The following DLG2 variants were observed in gnomAD, a reference collection of about 807,000 sequenced individuals.
DLG2 encodes the protein disks large homolog 2.
Under a neutral mutation model 132.5 loss-of-function variants are expected in DLG2, and 45 were observed. The ratio of observed to expected loss-of-function variants is 0.34; its 90% CI spans 0.27 to 0.44. The LOEUF (loss-of-function observed/expected upper bound fraction) is 0.44. DLG2 is among the 20% of genes least tolerant of loss of function. The pLI is 1.00. For synonymous variants in DLG2, 424 were observed against 419.6 expected, an observed-to-expected ratio of 1.01 and a Z score of -0.13; for missense variants, 1,045 against 1,196.9, an observed-to-expected ratio of 0.87 and a Z score of 1.87.
intron 6 of DLG2, among the ~76,000 whole-genome samples, chr11:84,888,045 C>G (rs1220198368): frequency 6.6e-6 from 1 of 152,126 alleles, no homozygotes; most frequent in African/African-American, 2.4e-5. Context: ...GTGGCCCTCT[C>G]ATTGATTCAT....
chr11:84,423,545 C>T (rs1012110905), intron 7 of DLG2, among the ~76,000 whole-genome samples: 10 of 152,124 alleles, frequency 6.6e-5, no homozygotes, highest in Non-Finnish European at 1.3e-4. Flanking sequence ...TCATATTCAT[C>T]ACACTATGTT....
At chr11:85,260,375 G>C (rs560478083) in intron 4 of DLG2, among the ~76,000 whole-genome samples, 1 of 152,244 alleles carries the variant, frequency 6.6e-6, no homozygotes, top group South Asian at 2.1e-4. Flanking sequence ...TTGTTAAACA[G>C]TTATTCCTTC....
Position 84,128,840 on chromosome 11 carries a change from G to T in DLG2, c.625-29793C>A, listed in dbSNP as rs745370847. Among the ~76,000 whole-genome samples, 8 of 152,064 alleles carry T rather than the reference G, an allele frequency of 5.3e-5. No individual in the cohort carries two copies. In the East Asian group the frequency reaches 1.3e-3, roughly 26 times the overall value. On this transcript the variant is annotated intron_variant, in intron 9 of 27. Transcript: ENST00000376104. ...CAGTAGCCATTTAAGTTGAAAAAAC[G>T]TGTATGGTTTTAAAAGTACTTCCTC...
rs533089091 is a variant in DLG2 at position 83,896,449 on chromosome 11, G to A, written c.1497-21961C>T. ...ATCTGCCCACATAAAGATGCTCACT[G>A]TTATTACAGTCAAATGTCATATTTA... On this transcript the variant is annotated intron_variant, in intron 15 of 27. Transcript: ENST00000376104. 4.2e-3 allele frequency among the ~76,000 whole-genome samples: 639 copies of A among 152,290 alleles called. 4 individuals are homozygous for A. The highest frequency in any genetic ancestry group is 0.015 in the African/African-American group (611 of 41,558).
Position 83,663,567 on chromosome 11 carries a change from T to G in DLG2, c.1826-30242A>C, listed in dbSNP as rs143639406. 5.5e-4 allele frequency among the ~76,000 whole-genome samples: 84 copies of G among 152,336 alleles called. 1 individual carries two copies. The East Asian group carries it at 0.014, about 25-fold the overall frequency. On this transcript the variant is annotated intron_variant, in intron 18 of 27. Coordinates refer to ENST00000376104, the MANE Select transcript of DLG2 (RefSeq NM_001142699.3). Reference sequence around the variant, plus strand: ...GCAGATACAATGTGTGTGTGGCACATAGTAGAAGCTTGCCAAGTATTAACT... The same window carrying G: ...GCAGATACAATGTGTGTGTGGCACAGAGTAGAAGCTTGCCAAGTATTAACT...
intron 18 of DLG2, among the ~76,000 whole-genome samples, chr11:83,739,083 A>C (rs1329709959): frequency 1.3e-5 from 2 of 152,064 alleles, no homozygotes; most frequent in African/African-American, 4.8e-5. Context: ...GATTGTAGGC[A>C]TCTTGAGGAA....
At position 84,735,178 on chromosome 11, in the gene DLG2, T is replaced by G. The variant is rs1053950448; in HGVS notation, c.358-200447A>C. The stretch of plus-strand genomic sequence containing the variant: ...AAAATGAGTTAGGGAAGATTCCTTC[T>G]TTTTCTATTGATTGGAATAGTTTCA... On this transcript the variant is annotated intron_variant, in intron 6 of 27. Coordinates refer to ENST00000376104, the MANE Select transcript of DLG2 (RefSeq NM_001142699.3). Among the ~76,000 whole-genome samples, 3 of 152,168 alleles carry G rather than the reference T, an allele frequency of 2.0e-5. No homozygotes were observed. In the South Asian group the frequency reaches 6.2e-4, roughly 32 times the overall value.
At chr11:84,741,963 A>G (rs1274815618) in intron 6 of DLG2, among the ~76,000 whole-genome samples, 1 of 152,122 alleles carries the variant, frequency 6.6e-6, no homozygotes, top group Non-Finnish European at 1.5e-5. Context: ...CTCAACAAAG[A>G]GATAGATACC....
intron 3 of DLG2, among the ~76,000 whole-genome samples, chr11:85,494,542 T>C (rs772397764): frequency 6.6e-6 from 1 of 151,846 alleles, no homozygotes; most frequent in South Asian, 2.1e-4. Flanking sequence ...GTGGCTTTTT[T>C]TTAATCTTAA....
At chr11:84,410,663 T>A (rs946240209) in intron 7 of DLG2, among the ~76,000 whole-genome samples, 19 of 142,562 alleles carry the variant, frequency 1.3e-4, no homozygotes, top group African/African-American at 4.7e-4. Flanking sequence ...CACTGCAACC[T>A]CTGCCTCCTA....
At chr11:83,796,749 A>G (rs1163131602) in intron 17 of DLG2, among the ~76,000 whole-genome samples, 1 of 152,184 alleles carries the variant, frequency 6.6e-6, no homozygotes, top group Non-Finnish European at 1.5e-5. Context: ...GTATTGAAAT[A>G]TATTTGTTTT....
At chr11:84,233,172 C>T (rs2097115752) in intron 8 of DLG2, among the ~76,000 whole-genome samples, 1 of 152,122 alleles carries the variant, frequency 6.6e-6, no homozygotes, top group Non-Finnish European at 1.5e-5. Context: ...TCCTCCCTAG[C>T]CACAACCCCT....
At chr11:83,745,724 C>T (rs2092859403) in intron 18 of DLG2, among the ~76,000 whole-genome samples, 1 of 152,034 alleles carries the variant, frequency 6.6e-6, no homozygotes, top group East Asian at 1.9e-4. Context: ...ACTGCTTGAA[C>T]CCAGGAGGCA....
At chr11:85,156,830 G>C (rs999524416) in intron 4 of DLG2, among the ~76,000 whole-genome samples, 3 of 152,282 alleles carry the variant, frequency 2.0e-5, no homozygotes, top group Middle Eastern at 3.4e-3. Context: ...ATTTCTCTTA[G>C]CCAGATCAGA....
chr11:84,677,712 T>A (rs2099717139), intron 6 of DLG2, among the ~76,000 whole-genome samples: 1 of 151,838 alleles, frequency 6.6e-6, no homozygotes, highest in South Asian at 2.1e-4. Context: ...AGCTGACCTC[T>A]GCAAAAAAAG....
Position 83,930,350 on chromosome 11 carries a change from G to A in DLG2, c.1474C>T (p.Leu492=). The A allele has an allele frequency of 6.2e-7, 1 of 1,613,944 alleles. No homozygotes were observed. The highest frequency in any genetic ancestry group is 8.5e-7 in the Non-Finnish European group (1 of 1,179,898). The change falls in exon 15 of 28, where the codon CTA becomes TTA. Residue 492 remains leucine, a synonymous_variant. Transcript: ENST00000376104. ...APYSHYHLGL[L]PDSEMTSHSQ... Reference sequence around the variant, plus strand: ...TACCTGGTCATCTCAGAGTCAGGTAGCAGGCCTAGGTGGTAGTGGGAATAG... The same window carrying A: ...TACCTGGTCATCTCAGAGTCAGGTAACAGGCCTAGGTGGTAGTGGGAATAG...
chr11:85,230,764 C>T (rs2075256036), intron 4 of DLG2, among the ~76,000 whole-genome samples: 1 of 151,764 alleles, frequency 6.6e-6, no homozygotes, highest in Non-Finnish European at 1.5e-5. Flanking sequence ...CAACTTAATC[C>T]CCAATGCAAT....
intron 7 of DLG2, among the ~76,000 whole-genome samples, chr11:84,295,092 C>T (rs1026970651): frequency 3.3e-5 from 5 of 152,276 alleles, no homozygotes; most frequent in South Asian, 2.1e-4. Context: ...TTTTCATCAA[C>T]GAATGCAGGC....
intron 8 of DLG2, among the ~76,000 whole-genome samples, chr11:84,228,622 T>C (rs558582933): frequency 6.6e-6 from 1 of 152,218 alleles, no homozygotes; most frequent in Non-Finnish European, 1.5e-5. Flanking sequence ...TGTTTGAACA[T>C]TAAAATGCTG....
Sources: allele counts gnomAD v4.1 joint callset (sites outside exome capture counted in the v4.1 genomes callset), GRCh38; gene constraint gnomAD v4.1.1; transcripts MANE v1.5; gene names NCBI Gene and HGNC (gene_info 2026-07-23, HGNC 2026-07-21).